CHRM3: variants seen among roughly 807,000 people sequenced by gnomAD.
The protein encoded by CHRM3 is cholinergic receptor muscarinic 3, also known as muscarinic acetylcholine receptor M3.
CHRM3 carries 11 observed loss-of-function variants against 41.8 expected under a neutral mutation model. The observed-to-expected ratio is 0.26, with a 90% CI of 0.17 to 0.44. The LOEUF (loss-of-function observed/expected upper bound fraction) is 0.44. Ranked by LOEUF, CHRM3 falls within the 20% of genes least tolerant of loss-of-function variation. CHRM3 has a pLI of 1.00. For missense variants in CHRM3, 571 were observed against 745.4 expected, an observed-to-expected ratio of 0.77 and a Z score of 2.72; for synonymous variants, 297 against 301.4, an observed-to-expected ratio of 0.99 and a Z score of 0.15.
chr1:239,895,199 C>A (rs1678893105), intron 6 of CHRM3, among the ~76,000 whole-genome samples: 1 of 152,194 alleles, frequency 6.6e-6, no homozygotes, highest in Non-Finnish European at 1.5e-5. Context: ...TGTAGGGATG[C>A]CCCTTCTCCT....
intron 5 of CHRM3, among the ~76,000 whole-genome samples, chr1:239,824,519 A>G (rs921306629): frequency 6.6e-6 from 1 of 152,196 alleles, no homozygotes; most frequent in Non-Finnish European, 1.5e-5. Flanking sequence ...ATAATTAATG[A>G]ATATATTGAT....
At chr1:239,771,249 C>T (rs1288557870) in intron 5 of CHRM3, among the ~76,000 whole-genome samples, 1 of 152,074 alleles carries the variant, frequency 6.6e-6, no homozygotes, top group Non-Finnish European at 1.5e-5. Flanking sequence ...TTATCATTCT[C>T]AATAATTCCT....
chr1:239,453,154 A>G (rs1021259698), intron 1 of CHRM3, among the ~76,000 whole-genome samples: 9 of 152,232 alleles, frequency 5.9e-5, no homozygotes, highest in Non-Finnish European at 1.0e-4. Flanking sequence ...AGGAGAGACT[A>G]GACACTTCAG....
chr1:239,794,331 C>G (rs932148049), intron 5 of CHRM3, among the ~76,000 whole-genome samples: 39 of 151,156 alleles, frequency 2.6e-4, no homozygotes, highest in Non-Finnish European at 8.8e-5. Context: ...GTTTAACAAA[C>G]ACCTTAGTTA....
At chr1:239,641,796 GA>G (rs1558410551) in intron 4 of CHRM3, among the ~76,000 whole-genome samples, 1 of 91,306 alleles carries the variant, frequency 1.1e-5, no homozygotes. Flanking sequence ...GTGTGAATTT[GA>G]TCCTGTCATT....
At chr1:239,728,641 G>A (rs1417539973) in intron 5 of CHRM3, among the ~76,000 whole-genome samples, 1 of 151,980 alleles carries the variant, frequency 6.6e-6, no homozygotes, top group East Asian at 1.9e-4. Flanking sequence ...GTAGCTGAAG[G>A]TGGTGGAGTT....
intron 5 of CHRM3, among the ~76,000 whole-genome samples, chr1:239,819,823 A>G (rs991192544): frequency 1.3e-5 from 2 of 152,198 alleles, no homozygotes; most frequent in African/African-American, 4.8e-5. Flanking sequence ...TCTTCCTGCC[A>G]GTCATCTTCT....
intron 3 of CHRM3, among the ~76,000 whole-genome samples, chr1:239,574,823 C>G (rs971197562): frequency 6.6e-6 from 1 of 151,622 alleles, no homozygotes; most frequent in East Asian, 1.9e-4. Context: ...CCTCTTCCTC[C>G]TCCTCTTCTT....
At chr1:239,762,677 A>T (rs1666897601) in intron 5 of CHRM3, among the ~76,000 whole-genome samples, 1 of 152,220 alleles carries the variant, frequency 6.6e-6, no homozygotes, top group South Asian at 2.1e-4. Context: ...TTTGTAGATG[A>T]TACCAAAATC....
At chr1:239,858,782 C>G (rs559555716) in intron 6 of CHRM3, among the ~76,000 whole-genome samples, 1 of 152,298 alleles carries the variant, frequency 6.6e-6, no homozygotes, top group East Asian at 1.9e-4. Context: ...GCCCCTCCCC[C>G]AGCAGCTACC....
intron 1 of CHRM3, among the ~76,000 whole-genome samples, chr1:239,414,884 T>A (rs1661377074): frequency 6.6e-6 from 1 of 152,222 alleles, no homozygotes; most frequent in Non-Finnish European, 1.5e-5. Context: ...TTACTCTGTG[T>A]ATTCTAAGTA....
chr1:239,390,784 C>A (rs981859323), intron 1 of CHRM3, among the ~76,000 whole-genome samples: 1 of 152,116 alleles, frequency 6.6e-6, no homozygotes, highest in Non-Finnish European at 1.5e-5. Flanking sequence ...CCTTCCCTAG[C>A]AGTTGCATGC....
At chr1:239,611,141 T>A (rs1666981381) in intron 3 of CHRM3, among the ~76,000 whole-genome samples, 1 of 152,172 alleles carries the variant, frequency 6.6e-6, no homozygotes, top group African/African-American at 2.4e-5. Flanking sequence ...CCTCCTCCAA[T>A]GAACCTTTGT....
intron 6 of CHRM3, among the ~76,000 whole-genome samples, chr1:239,841,335 G>A (rs1477537917): frequency 6.6e-6 from 1 of 152,162 alleles, no homozygotes; most frequent in Non-Finnish European, 1.5e-5. Context: ...ATTTAAAAGG[G>A]ATGTGGGATT....
In CHRM3 at chr1:239,910,666, C is replaced by G. The variant is rs1680312639; in HGVS notation, c.*1442C>G. 1 of 165,170 alleles carries G rather than the reference C, an allele frequency of 6.1e-6. No individual in the cohort carries two copies. The highest frequency in any genetic ancestry group is 2.1e-4 in the South Asian group (1 of 4,746). The allele number at this position is 165,170 out of a possible 1,614,324, so 10.2% of individuals were successfully genotyped here. On this transcript the variant is annotated 3_prime_UTR_variant, in exon 7 of 7. Transcript: ENST00000676153. Reference sequence around the variant, plus strand: ...TTTCATTTGGGGAGGGGATGGGGTGCTGCCATCATTGTCGTTGTTGTTGCT... The same window carrying G: ...TTTCATTTGGGGAGGGGATGGGGTGGTGCCATCATTGTCGTTGTTGTTGCT...
intron 4 of CHRM3, among the ~76,000 whole-genome samples, chr1:239,650,997 C>A (rs1230039228): frequency 1.3e-5 from 2 of 151,974 alleles, no homozygotes; most frequent in African/African-American, 4.8e-5. Flanking sequence ...TGCATAATAT[C>A]ATGTGTTTTG....
chr1:239,853,293 GTAAACT>G (rs1674849354), intron 6 of CHRM3, among the ~76,000 whole-genome samples: 1 of 151,840 alleles, frequency 6.6e-6, no homozygotes. Flanking sequence ...TTTTATTAGA[GTAAACT>G]TAATGTCAAA....
intron 1 of CHRM3, among the ~76,000 whole-genome samples, chr1:239,443,549 A>C (rs60564612): frequency 0.02 from 3,043 of 152,314 alleles, 82 homozygotes; most frequent in African/African-American, 0.069. Context: ...TGCTAGGATA[A>C]GATTTTTCCG....
intron 5 of CHRM3, among the ~76,000 whole-genome samples, chr1:239,714,753 A>G (rs1184391471): frequency 6.6e-6 from 1 of 152,164 alleles, no homozygotes; most frequent in Non-Finnish European, 1.5e-5. Context: ...ACTGAGGGGC[A>G]GGAGAACCAG....
Sources: allele counts gnomAD v4.1 joint callset (sites outside exome capture counted in the v4.1 genomes callset), GRCh38; gene constraint gnomAD v4.1.1; transcripts MANE v1.5; gene names NCBI Gene and HGNC (gene_info 2026-07-23, HGNC 2026-07-21).